The following RYR1 variants were observed in gnomAD, a reference collection of about 807,000 sequenced individuals.
RYR1 encodes the protein ryanodine receptor 1.
RYR1 carries 342 observed loss-of-function variants against 583.5 expected under a neutral mutation model. That is an observed-to-expected ratio of 0.59 (90% CI 0.54 to 0.64). The LOEUF (loss-of-function observed/expected upper bound fraction) is 0.64, where lower values mean the gene tolerates loss of function less well. Among genes scored for constraint, RYR1 ranks in the 30% least tolerant of loss-of-function variants. The probability of loss-of-function intolerance (pLI) is 0.00; values close to 1 mark genes in which losing one functional copy is unlikely to be tolerated. For synonymous variants in RYR1, 2,791 were observed against 2,822.5 expected (o/e 0.99, Z 0.35); for missense variants, 6,032 against 6,917.2 (o/e 0.87, Z 4.54).
chr19:38,568,086 G>A (rs563966379), intron 93 of RYR1, among the ~76,000 whole-genome samples, 169 bp downstream of exon 93: 11 of 152,202 alleles, frequency 7.2e-5, no homozygotes, highest in Non-Finnish European at 1.3e-4. Context: ...GGACAGGGTA[G>A]CATTTTCAGA....
Position 38,496,925 on chromosome 19 carries a change from T to C in RYR1, c.6862T>C (p.Leu2288=), listed in dbSNP as rs2145588838. 1 of 1,613,604 alleles carries C rather than the reference T, an allele frequency of 6.2e-7. No individual in the cohort carries two copies. The highest frequency in any genetic ancestry group is 8.5e-7 in the Non-Finnish European group (1 of 1,179,974). ...ASVIDNNELA[L]ALQEQDLEKV... ...CGTCATTGACAACAATGAGCTGGCC[T>C]TGGCATTGCAGGAGCAGGACCTGGA... The change falls in exon 42 of 106, where the codon TTG becomes CTG. Residue 2288 remains leucine, a synonymous_variant. Transcript: ENST00000359596. The surrounding 1 kb of genome is among the most constrained non-coding windows in gnomAD (Gnocchi z 4.8).
intron 81 of RYR1, chr19:38,535,675 C>G (rs1282378402): frequency 1.7e-5 from 10 of 593,788 alleles, no homozygotes; most frequent in Non-Finnish European, 3.0e-5. Flanking sequence ...TAGGAGCTCT[C>G]TGATGATCCC....
At position 38,500,782 on chromosome 19, in the gene RYR1, T is replaced by C. The variant is rs758895876; in HGVS notation, c.7445-39T>C. 6.2e-7 allele frequency: 1 copy of C among 1,612,886 alleles called. No individual in the cohort carries two copies. Among genetic ancestry groups the C allele is most frequent in the Non-Finnish European group, 8.5e-7 (1 of 1,179,878 alleles). ...TGATGCTGGGGAGGGAGCGGCTGGG[T>C]CCGCAGGGCATCCCCGAACCCACCC... is the stretch of plus-strand genomic sequence containing the variant. On this transcript the variant is annotated intron_variant, in intron 46 of 105. Transcript: ENST00000359596. The surrounding 1 kb of genome is among the most constrained non-coding windows in gnomAD (Gnocchi z 5.9).
chr19:38,477,823 G>A lies in RYR1; in HGVS notation c.4407G>A (p.Arg1469=), dbSNP rs1968811081. 1.9e-6 allele frequency: 3 copies of A among 1,613,910 alleles called. 1 individual carries two copies. In the South Asian group the frequency reaches 3.3e-5, roughly 18 times the overall value. Residue 1469 remains arginine, a synonymous_variant, in exon 30 of 106, where the codon CGG becomes CGA. Coordinates refer to ENST00000359596, the MANE Select transcript of RYR1 (RefSeq NM_000540.3). ...TGAGCTTCGACCTCAGCAAGGTCCGGGTCGTGACGGTGACCATGGGGGATG... is the reference window on the plus strand; with the variant it reads ...TGAGCTTCGACCTCAGCAAGGTCCGAGTCGTGACGGTGACCATGGGGGATG... ...HDMSFDLSKV[R]VVTVTMGDEQ...
intron 76 of RYR1, among the ~76,000 whole-genome samples, chr19:38,531,853 C>T (rs577634431): frequency 6.6e-5 from 10 of 152,260 alleles, no homozygotes; most frequent in African/African-American, 2.2e-4. Flanking sequence ...TGCAGTAAGC[C>T]TTGATGGCAC....
intron 31 of RYR1, among the ~76,000 whole-genome samples, chr19:38,482,339 G>A (rs908039551): frequency 2.0e-5 from 3 of 152,086 alleles, no homozygotes; most frequent in African/African-American, 7.2e-5. Context: ...ATTAGATCAG[G>A]TTTGGTGTGG....
At chr19:38,465,646 C>T (rs1483952445) in intron 23 of RYR1, among the ~76,000 whole-genome samples, 1 of 151,996 alleles carries the variant, frequency 6.6e-6, no homozygotes, top group African/African-American at 2.4e-5. Flanking sequence ...TGCCTGTAAT[C>T]CCTGCTACTC....
intron 89 of RYR1, 56 bp downstream of exon 89, chr19:38,548,476 C>CACTGCTACA: frequency 5.1e-6 from 8 of 1,560,432 alleles, no homozygotes; most frequent in Admixed American, 1.7e-5. Context: ...CAAGGGCCAG[C>CACTGCTACA]CATACCCTTC....
chr19:38,576,725 G>A (rs989062653), intron 97 of RYR1, among the ~76,000 whole-genome samples: 6 of 151,884 alleles, frequency 4.0e-5, no homozygotes, highest in Non-Finnish European at 8.8e-5. Context: ...ACTTGAACCC[G>A]GGCGGCAGAG....
At position 38,500,080 on chromosome 19, in the gene RYR1, T is replaced by G. The variant is rs909810396; in HGVS notation, c.7323+64T>G. The G allele has an allele frequency of 7.1e-7, 1 of 1,413,178 alleles. No individual in the cohort carries two copies. Among genetic ancestry groups the G allele is most frequent in the Middle Eastern group, 1.8e-4 (1 of 5,484 alleles). The allele number at this position is 1,413,178 out of a possible 1,614,324, so 87.5% of individuals were successfully genotyped here. On this transcript the variant is annotated intron_variant, in intron 45 of 105. Transcript: ENST00000359596. This position sits in a 1 kb window ranked among gnomAD's most constrained non-coding sequence, Gnocchi z 5.9. ...AGGCACAGCCGCTTTGAACGCCTCA[T>G]GCAGGCACTCGGTGACACGGAGTGA... is the stretch of plus-strand genomic sequence containing the variant.
At chr19:38,523,549 C>T (rs980392953) in intron 69 of RYR1, 1 of 608,552 alleles carries the variant, frequency 1.6e-6, no homozygotes, top group Admixed American at 2.8e-5. Flanking sequence ...TCATCTCTGT[C>T]TCCTTCCTCC....
chr19:38,491,943 T>G (rs1969570750), intron 37 of RYR1, among the ~76,000 whole-genome samples: 1 of 152,244 alleles, frequency 6.6e-6, no homozygotes, highest in Non-Finnish European at 1.5e-5. Context: ...TAAGTCACTA[T>G]TATGATATTT....
chr19:38,543,380 A>G lies in RYR1; in HGVS notation c.11723A>G (p.Asn3908Ser), dbSNP rs141803364. 13 of 1,614,234 alleles carry G rather than the reference A, an allele frequency of 8.1e-6. No individual in the cohort carries two copies. Among genetic ancestry groups the G allele is most frequent in the Non-Finnish European group, 1.1e-5 (13 of 1,180,034 alleles). ...FQNYLRTQTG[N>S]TTTINIIICT... ...AACTACCTACGGACACAGACAGGGAACACGACCACTATTAACATCATCATT... is the reference window on the plus strand; with the variant it reads ...AACTACCTACGGACACAGACAGGGAGCACGACCACTATTAACATCATCATT... The change falls in exon 85 of 106, where the codon AAC becomes AGC. Residue 3908 changes from asparagine (N) to serine (S), a missense_variant. This residue lies in a region of RYR1 where 1,493 missense variants were observed against 1,715.5 expected (regional missense o/e 0.87). Coordinates refer to ENST00000359596, the MANE Select transcript of RYR1 (RefSeq NM_000540.3). The surrounding 1 kb of genome is among the most constrained non-coding windows in gnomAD (Gnocchi z 4.4).
chr19:38,504,104 C>A, intron 49 of RYR1, 116 bp from the exon 50 acceptor site: 1 of 1,063,302 alleles, frequency 9.4e-7, no homozygotes, highest in Non-Finnish European at 1.3e-6. Context: ...TTGCATAACC[C>A]ACACCTCCTT....
Position 38,463,785 on chromosome 19 carries a change from G to A in RYR1, c.2721G>A (p.Val907=). The change falls in exon 22 of 106, where the codon GTG becomes GTA. Residue 907 remains valine (V), a synonymous_variant. Transcript: ENST00000359596. ...DDNKRLHPCL[V]DFHSLPEPER... is the part of the protein sequence containing the mutation. ...ACAAGAGGCTGCACCCGTGTCTTGT[G>A]GACTTCCACAGCCTTCCAGAGCCTG... 1 of 1,614,134 alleles carries A rather than the reference G, an allele frequency of 6.2e-7. No individual in the cohort carries two copies.
At chr19:38,486,786 C>T (rs1208647384) in intron 34 of RYR1, among the ~76,000 whole-genome samples, 1 of 152,126 alleles carries the variant, frequency 6.6e-6, no homozygotes, top group African/African-American at 2.4e-5. Flanking sequence ...TTCATCCATC[C>T]ATCAATCCAT....
chr19:38,502,701 C>T lies in RYR1; in HGVS notation c.7809C>T (p.Ile2603=), dbSNP rs200542387. Residue 2603 remains isoleucine, a synonymous_variant, in exon 48 of 106, where the codon ATC becomes ATT. Transcript: ENST00000359596. ...RSLTKAQRDV[I]EDCLMSLCRY... Reference sequence around the variant, plus strand: ...TCACCAAGGCGCAGCGTGACGTCATCGAGGACTGCCTCATGTCGCTCTGCA... The same window carrying T: ...TCACCAAGGCGCAGCGTGACGTCATTGAGGACTGCCTCATGTCGCTCTGCA... The T allele has an allele frequency of 4.1e-5, 64 of 1,561,120 alleles. No individual in the cohort carries two copies. Among genetic ancestry groups the T allele is most frequent in the South Asian group, 2.4e-4 (22 of 90,536 alleles).
intron 93 of RYR1, 92 bp downstream of exon 93, chr19:38,568,009 A>C: frequency 6.2e-5 from 90 of 1,457,286 alleles, no homozygotes; most frequent in Middle Eastern, 2.4e-4. Flanking sequence ...TCTTGAGTTC[A>C]TCTGTTCAAG....
intron 47 of RYR1, among the ~76,000 whole-genome samples, chr19:38,501,561 C>T (rs974064409): frequency 2.0e-5 from 3 of 152,204 alleles, no homozygotes; most frequent in South Asian, 2.1e-4. Flanking sequence ...TGTACAGGAA[C>T]AGCAATAACA....
Sources: gnomAD v4.1 joint callset for allele counts (sites outside exome capture counted in the v4.1 genomes callset) on GRCh38, gnomAD v4.1.1 for gene constraint, gnomAD v4.1.1 regional missense constraint, Gnocchi (gnomAD v3.1) non-coding constraint, MANE v1.5 for transcripts, NCBI Gene and HGNC (gene_info 2026-07-23, HGNC 2026-07-21) for gene names.